The following DGKB variants were observed in gnomAD, a reference collection of about 807,000 sequenced individuals.
DGKB encodes the protein 90 kDa diacylglycerol kinase.
In DGKB, 67 loss-of-function variants were observed where a neutral mutation model predicts 114.3. The ratio of observed to expected loss-of-function variants is 0.59; its 90% CI spans 0.48 to 0.72. The LOEUF is 0.72. Among genes scored for constraint, DGKB ranks in the 30% least tolerant of loss-of-function variants. DGKB has a pLI of 0.00. For missense variants in DGKB, 907 were observed against 975.2 expected (o/e 0.93, Z 0.93); for synonymous variants, 398 against 323.1 (o/e 1.23, Z -2.49).
At chr7:14,288,872 C>A (rs1335345397) in intron 23 of DGKB, among the ~76,000 whole-genome samples, 1 of 152,184 alleles carries the variant, frequency 6.6e-6, no homozygotes, top group Non-Finnish European at 1.5e-5. Context: ...TCAGAAAGAA[C>A]AGCCCACACC....
chr7:14,396,660 C>A (rs988917131), intron 21 of DGKB, among the ~76,000 whole-genome samples: 2 of 152,264 alleles, frequency 1.3e-5, no homozygotes, highest in East Asian at 3.9e-4. Flanking sequence ...CATATTTAAA[C>A]AGAACCAGTA....
intron 2 of DGKB, among the ~76,000 whole-genome samples, chr7:14,811,895 C>CA (rs1554286229): frequency 6.6e-6 from 1 of 151,578 alleles, no homozygotes. Context: ...ATCTTTAGAA[C>CA]TTTTTTATTT....
At chr7:14,852,018 G>T (rs1412852429) in intron 1 of DGKB, among the ~76,000 whole-genome samples, 2 of 152,090 alleles carry the variant, frequency 1.3e-5, no homozygotes, top group Non-Finnish European at 2.9e-5. Context: ...TGAATTCCTG[G>T]CCTACCAAAT....
chr7:14,505,795 T>A (rs1431839048), intron 20 of DGKB, among the ~76,000 whole-genome samples: 1 of 152,224 alleles, frequency 6.6e-6, no homozygotes, highest in Non-Finnish European at 1.5e-5. Flanking sequence ...TTTGCTTCTT[T>A]ACCATGTCCT....
In DGKB at chr7:14,524,049, A is replaced by G. The variant is rs1211501341; in HGVS notation, c.1771-45824T>C. ...CACGGGCATATCAAATCAGCTGATA[A>G]TTTTGGATCTTCTCCAACTGATGTT... On this transcript the variant is annotated intron_variant, in intron 20 of 25. Transcript: ENST00000402815. Among the ~76,000 whole-genome samples, 6 of 152,270 alleles carry G rather than the reference A, an allele frequency of 3.9e-5. No homozygotes were observed. In the East Asian group the frequency reaches 1.2e-3, roughly 29 times the overall value.
intron 17 of DGKB, among the ~76,000 whole-genome samples, chr7:14,587,154 T>C (rs1800912365): frequency 6.6e-6 from 1 of 152,124 alleles, no homozygotes; most frequent in Non-Finnish European, 1.5e-5. Flanking sequence ...CATTCATAAT[T>C]CATGGACAGA....
intron 25 of DGKB, among the ~76,000 whole-genome samples, chr7:14,150,175 T>A (rs1781980739): frequency 6.6e-6 from 1 of 152,140 alleles, no homozygotes; most frequent in Admixed American, 6.6e-5. Context: ...AAAAGCAATC[T>A]GAGACATTTT....
At position 14,673,001 on chromosome 7, in the gene DGKB, T is replaced by C. The variant is rs376199257; in HGVS notation, c.1062A>G (p.Leu354=). The part of the protein sequence containing the change: ...ITLHNKCASH[L]KPECDCGPLK... ...AAGGTCCACAGTCACATTCAGGTTT[T>C]AGATGAGAAGCACATTTATTATGCA... is the stretch of plus-strand genomic sequence containing the variant. The change falls in exon 13 of 26, where the codon CTA becomes CTG. Residue 354 remains leucine, a synonymous_variant. Coordinates refer to ENST00000402815, the MANE Select transcript of DGKB (RefSeq NM_001350709.2). 1.1e-4 allele frequency: 179 copies of C among 1,575,422 alleles called. 1 individual carries two copies. The African/African-American group carries it at 2.2e-3, about 19-fold the overall frequency.
intron 23 of DGKB, among the ~76,000 whole-genome samples, chr7:14,319,178 C>A (rs1483743653): frequency 3.3e-5 from 5 of 151,418 alleles, no homozygotes; most frequent in African/African-American, 9.7e-5. Flanking sequence ...AGGAGATATA[C>A]CTAATGCTAG....
intron 21 of DGKB, among the ~76,000 whole-genome samples, chr7:14,422,494 T>C (rs1826869001): frequency 6.6e-6 from 1 of 152,190 alleles, no homozygotes; most frequent in East Asian, 1.9e-4. Context: ...GATCATGTAA[T>C]TTTTCCACAA....
intron 15 of DGKB, among the ~76,000 whole-genome samples, chr7:14,620,357 A>C (rs1468725044): frequency 6.6e-6 from 1 of 151,416 alleles, no homozygotes; most frequent in African/African-American, 2.4e-5. Context: ...ATTATTATTA[A>C]ATTTTAATGA....
chr7:14,149,526 C>T (rs566770042), intron 25 of DGKB, among the ~76,000 whole-genome samples: 2 of 152,174 alleles, frequency 1.3e-5, no homozygotes, highest in East Asian at 1.9e-4. Context: ...TAGCAATATT[C>T]CAGAACTGCT....
intron 1 of DGKB, among the ~76,000 whole-genome samples, chr7:14,944,774 A>G (rs1785776167): frequency 6.6e-6 from 1 of 151,256 alleles, no homozygotes; most frequent in African/African-American, 2.4e-5. Context: ...CACAATCAAT[A>G]GATATGCTAT....
chr7:14,418,371 G>GTATATATA (rs369934623), intron 21 of DGKB, among the ~76,000 whole-genome samples: 1 of 129,926 alleles, frequency 7.7e-6, no homozygotes, highest in Non-Finnish European at 1.6e-5. Flanking sequence ...ATGTGTGTGT[G>GTATATATA]TATATATATA....
At chr7:14,743,181 G>A (rs1218582126) in intron 4 of DGKB, among the ~76,000 whole-genome samples, 1 of 152,052 alleles carries the variant, frequency 6.6e-6, no homozygotes, top group African/African-American at 2.4e-5. Flanking sequence ...TTAGAAAATT[G>A]GGATTAATAG....
chr7:14,506,544 T>G (rs1477132894), intron 20 of DGKB, among the ~76,000 whole-genome samples: 1 of 152,164 alleles, frequency 6.6e-6, no homozygotes, highest in Admixed American at 6.6e-5. Context: ...CTCTCTTGAT[T>G]TGATAAGCAA....
intron 2 of DGKB, among the ~76,000 whole-genome samples, chr7:14,801,784 C>T (rs1409670871): frequency 6.6e-6 from 1 of 151,686 alleles, no homozygotes; most frequent in Non-Finnish European, 1.5e-5. Flanking sequence ...ATCTTATTAG[C>T]CTATTGCTCA....
Position 14,657,850 on chromosome 7 carries a change from A to T in DGKB, c.1134+15079T>A, listed in dbSNP as rs559235041. ...GCTGATGTGTAGCATTGGGATTGTC[A>T]TTATTAACTCTTGCCGATAAAAGTC... On this transcript the variant is annotated intron_variant, in intron 13 of 25. Transcript: ENST00000402815. Among the ~76,000 whole-genome samples, 5 of 152,092 alleles carry T rather than the reference A, an allele frequency of 3.3e-5. No individual in the cohort carries two copies. In the East Asian group the frequency reaches 9.7e-4, roughly 29 times the overall value.
At chr7:14,400,688 A>G (rs796323226) in intron 21 of DGKB, among the ~76,000 whole-genome samples, 48 of 151,502 alleles carry the variant, frequency 3.2e-4, no homozygotes, top group African/African-American at 1.1e-3. Context: ...TTTGAGTTCA[A>G]GCAGAAAGGC....
Sources: gnomAD v4.1 joint callset for allele counts (sites outside exome capture counted in the v4.1 genomes callset) on GRCh38, gnomAD v4.1.1 for gene constraint, MANE v1.5 for transcripts, NCBI Gene and HGNC (gene_info 2026-07-23, HGNC 2026-07-21) for gene names.